The following EPPK1 variants were observed in gnomAD, a reference collection of about 807,000 sequenced individuals.
The protein encoded by EPPK1 is epiplakin 1, also known as epiplakin.
For synonymous variants in EPPK1, 1,862 were observed against 1,721.2 expected, an observed-to-expected ratio of 1.08 and a Z score of -2.03; for missense variants, 3,823 against 3,673.3, an observed-to-expected ratio of 1.04 and a Z score of -1.05.
chr8:143,869,729 C>T lies in EPPK1; in HGVS notation c.3525G>A (p.Leu1175=). ...VQEGRTTVPQ[L]LASVQRWVQE... ...GTACCCACCTCTGCACAGAGGCTAG[C>T]AGCTGTGGCACAGTGGTCCTCCCCT... is the stretch of plus-strand genomic sequence containing the variant. The change falls in exon 2 of 2, where the codon CTG becomes CTA. Residue 1175 remains leucine (L), a synonymous_variant. Transcript: ENST00000615648. The T allele has an allele frequency of 1.3e-6, 2 of 1,599,782 alleles. No homozygotes were observed. The highest frequency in any genetic ancestry group is 1.1e-5 in the South Asian group (1 of 88,698).
Position 143,866,958 on chromosome 8 carries a change from G to T in EPPK1, c.6296C>A (p.Thr2099Lys), listed in dbSNP as rs150650158. 17 of 1,612,588 alleles carry T rather than the reference G, an allele frequency of 1.1e-5. No individual in the cohort carries two copies. The highest frequency in any genetic ancestry group is 5.0e-5 in the Admixed American group (3 of 59,994). ...ARDSEHIDDE[T>K]RRALEAEQVE... ...TTGCTCTGCCTCCAGGGCCCTTCTC[G>T]TCTCGTCATCGATGTGCTCGGAGTC... Residue 2099 changes from threonine to lysine, a missense_variant, in exon 2 of 2, where the codon ACG becomes AAG. By Grantham distance (78) the Thr-to-Lys change is moderately conservative (BLOSUM62 -1). Transcript: ENST00000615648.
In EPPK1 at chr8:143,867,446, G is replaced by A; in HGVS notation, c.5808C>T (p.Ala1936=). ...FATWLLEAQA[A]TGFLLDPCTR... ...TGCAGGGGTCCAGGAGGAACCCGGT[G>A]GCGGCCTGCGCCTCCAGCAGCCAAG... The change falls in exon 2 of 2, where the codon GCC becomes GCT. Residue 1936 remains alanine, a synonymous_variant. Coordinates refer to ENST00000615648, the MANE Select transcript of EPPK1 (RefSeq NM_031308.4). The A allele has an allele frequency of 1.9e-6, 3 of 1,612,694 alleles. No individual in the cohort carries two copies. The highest frequency in any genetic ancestry group is 1.1e-5 in the South Asian group (1 of 91,078).
chr8:143,878,725 CTT>C (rs1239900549), upstream of EPPK1, among the ~76,000 whole-genome samples: 1 of 146,150 alleles, frequency 6.8e-6, no homozygotes. Context: ...TTCAGAACAG[CTT>C]TTTTTTTTTG....
In EPPK1 at chr8:143,872,899, T is replaced by C; in HGVS notation, c.355A>G (p.Thr119Ala). ...KEKLLAAERA[T>A]TGYPDPYGGE... ...CCGTAGGGGTCAGGATAGCCCGTAG[T>C]GGCACGCTCAGCGGCCAGCAGCTTC... is the stretch of plus-strand genomic sequence containing the variant. Residue 119 changes from threonine (T) to alanine (A), a missense_variant, in exon 2 of 2, where the codon ACT becomes GCT. Physicochemically the swap from Thr to Ala is moderately conservative, Grantham distance 58 (BLOSUM62 0). Transcript: ENST00000615648. The C allele has an allele frequency of 6.2e-7, 1 of 1,605,626 alleles. No individual in the cohort carries two copies. Among genetic ancestry groups the C allele is most frequent in the South Asian group, 1.1e-5 (1 of 90,376 alleles).
At chr8:143,877,056 G>A (rs10110152) in intron 1 of EPPK1, among the ~76,000 whole-genome samples, 2,443 of 152,390 alleles carry the variant, frequency 0.016, 56 homozygotes, top group African/African-American at 0.054. Context: ...TGGAGACAGG[G>A]CGCTTGGGAG....
Position 143,870,351 on chromosome 8 carries a change from G to T in EPPK1, c.2903C>A (p.Ala968Glu). The T allele has an allele frequency of 1.3e-6, 2 of 1,558,082 alleles. No individual in the cohort carries two copies. The highest frequency in any genetic ancestry group is 1.7e-6 in the Non-Finnish European group (2 of 1,157,002). The change falls in exon 2 of 2, where the codon GCG (alanine) becomes GAG (glutamate). Residue 968 changes from alanine to glutamate, a missense_variant. Transcript: ENST00000615648. The surrounding 1 kb of genome is among the most constrained non-coding windows in gnomAD (Gnocchi z 5.2). ...RVALALLEAQ[A>E]ATGTIMDPHS... The stretch of plus-strand genomic sequence containing the variant: ...AGGGTCCATGATGGTTCCGGTGGCC[G>T]CCTGGGCCTCCAGCAGGGCCAGGGC...
chr8:143,871,231 G>A lies in EPPK1; in HGVS notation c.2023C>T (p.Pro675Ser), dbSNP rs1819337382. 1 of 1,613,176 alleles carries A rather than the reference G, an allele frequency of 6.2e-7. No homozygotes were observed. Among genetic ancestry groups the A allele is most frequent in the Non-Finnish European group, 8.5e-7 (1 of 1,180,008 alleles). The change falls in exon 2 of 2, where the codon CCT becomes TCT. Residue 675 changes from proline (P) to serine (S), a missense_variant. Coordinates refer to ENST00000615648, the MANE Select transcript of EPPK1 (RefSeq NM_031308.4). ...GACAGCAGCTTCGCGAACACATCAG[G>A]CCCAATGACAGCAGCCCTCAGTGCC... The part of the protein sequence containing the change: ...EEALRAAVIG[P>S]DVFAKLLSAE...
At position 143,870,866 on chromosome 8, in the gene EPPK1, C is replaced by A. The variant is rs782668290; in HGVS notation, c.2388G>T (p.Leu796=). 36 of 1,612,792 alleles carry A rather than the reference C, an allele frequency of 2.2e-5. No individual in the cohort carries two copies. Among genetic ancestry groups the A allele is most frequent in the Non-Finnish European group, 3.0e-5 (35 of 1,179,870 alleles). ...VRDPETGLYL[L]PLSSTQSPLV... is the part of the protein sequence containing the mutation. ...GCGGGGACTGCGTGCTGCTGAGTGGCAGGAGGTACAGGCCCGTCTCGGGGT... is the reference window on the plus strand; with the variant it reads ...GCGGGGACTGCGTGCTGCTGAGTGGAAGGAGGTACAGGCCCGTCTCGGGGT... Residue 796 remains leucine (L), a synonymous_variant, in exon 2 of 2, where the codon CTG becomes CTT. Coordinates refer to ENST00000615648, the MANE Select transcript of EPPK1 (RefSeq NM_031308.4). This position sits in a 1 kb window ranked among gnomAD's most constrained non-coding sequence, Gnocchi z 5.2.
At chr8:143,874,323 C>G (rs782799498) in intron 1 of EPPK1, among the ~76,000 whole-genome samples, 5 of 152,258 alleles carry the variant, frequency 3.3e-5, no homozygotes, top group Admixed American at 6.5e-5. Context: ...AAACGTATGT[C>G]TAAGTCCTAA....
At chr8:143,878,079 G>A (rs1424294380) in intron 1 of EPPK1, among the ~76,000 whole-genome samples, 1 of 152,014 alleles carries the variant, frequency 6.6e-6, no homozygotes, top group Admixed American at 6.5e-5. Context: ...TGCCCCGGGC[G>A]GTCCTCGCTG....
intron 1 of EPPK1, among the ~76,000 whole-genome samples, chr8:143,877,640 G>A (rs782563781): frequency 6.6e-6 from 1 of 152,130 alleles, no homozygotes; most frequent in Admixed American, 6.5e-5. Context: ...GCAGCCGCCT[G>A]CCTGAGTCAG....
rs201572196 is a variant in EPPK1, at chr8:143,870,924, G to A, written c.2330C>T (p.Thr777Met). The A allele has an allele frequency of 4.6e-5, 75 of 1,613,490 alleles. 1 individual carries two copies. In the South Asian group the frequency reaches 6.1e-4, roughly 13 times the overall value. ...ACAGCGCTCCAGAAGCTGCAGGTAC[G>A]TGAGGTTCTCGTGCGTGTTGGGGTC... ...FFDPNTHENL[T>M]YLQLLERCVR... is the part of the protein sequence containing the mutation. Residue 777 changes from threonine (T) to methionine (M), a missense_variant, in exon 2 of 2, where the codon ACG becomes ATG. Thr to Met is a moderately conservative substitution (Grantham distance 81). Transcript: ENST00000615648. This position sits in a 1 kb window ranked among gnomAD's most constrained non-coding sequence, Gnocchi z 5.2.
At chr8:143,878,814 G>A (rs1240441865), upstream of EPPK1, among the ~76,000 whole-genome samples, 1 of 152,094 alleles carries the variant, frequency 6.6e-6, no homozygotes, top group Admixed American at 6.5e-5. Context: ...TGCGGTGCGG[G>A]CTGGTGTCCC....
chr8:143,866,491 G>T lies in EPPK1; in HGVS notation c.6763C>A (p.Arg2255=). ...AGCAGCACCAGGGCCGTGCCGGGCC[G>T]CAGCACGCCCTTCCACATGGCCTGG... ...IYQAMWKGVL[R]PGTALVLLEA... is the part of the protein sequence containing the mutation. Residue 2255 remains arginine (R), a synonymous_variant, in exon 2 of 2, where the codon CGG becomes AGG. Coordinates refer to ENST00000615648, the MANE Select transcript of EPPK1 (RefSeq NM_031308.4). 6.5e-7 allele frequency: 1 copy of T among 1,536,818 alleles called. No homozygotes were observed. Among genetic ancestry groups the T allele is most frequent in the Non-Finnish European group, 8.7e-7 (1 of 1,145,468 alleles).
rs782298190 is a variant in EPPK1, at chr8:143,871,300, A to G, written c.1954T>C (p.Phe652Leu). The G allele has an allele frequency of 6.8e-6, 11 of 1,612,370 alleles. No individual in the cohort carries two copies. The African/African-American group carries it at 1.5e-4, about 22-fold the overall frequency. ...ILLEAQAATG[F>L]IIDPKANKGH... Reference sequence around the variant, plus strand: ...TTGTTTGCTTTTGGGTCGATGATGAAGCCTGTGGCAGCTTGTGCCTCCAGA... The same window carrying G: ...TTGTTTGCTTTTGGGTCGATGATGAGGCCTGTGGCAGCTTGTGCCTCCAGA... Residue 652 changes from phenylalanine (F) to leucine (L), a missense_variant, in exon 2 of 2, where the codon TTC becomes CTC. By Grantham distance (22) the Phe-to-Leu change is conservative. Coordinates refer to ENST00000615648, the MANE Select transcript of EPPK1 (RefSeq NM_031308.4).
rs782604818 is a variant in EPPK1 at position 143,867,756 on chromosome 8, G to A, written c.5498C>T (p.Thr1833Met). The A allele has an allele frequency of 4.5e-5, 72 of 1,613,582 alleles. No homozygotes were observed. The highest frequency in any genetic ancestry group is 5.3e-5 in the Non-Finnish European group (62 of 1,179,880). Residue 1833 changes from threonine (T) to methionine (M), a missense_variant, in exon 2 of 2, where the codon ACG becomes ATG. Physicochemically the swap from Thr to Met is moderately conservative, Grantham distance 81. Transcript: ENST00000615648. ...GLEKLLEIIT[T>M]TIEETETQNQ... ...TTGCGTCTCTGTTTCTTCAATTGTCGTGGTGATGATTTCCAGCAATTTCTC... is the reference window on the plus strand; with the variant it reads ...TTGCGTCTCTGTTTCTTCAATTGTCATGGTGATGATTTCCAGCAATTTCTC...
chr8:143,869,456 C>T lies in EPPK1; in HGVS notation c.3798G>A (p.Val1266=). The T allele has an allele frequency of 6.4e-7, 1 of 1,567,072 alleles. No homozygotes were observed. Among genetic ancestry groups the T allele is most frequent in the Non-Finnish European group, 8.6e-7 (1 of 1,161,036 alleles). The change falls in exon 2 of 2, where the codon GTG becomes GTA. Residue 1266 remains valine, a synonymous_variant. Coordinates refer to ENST00000615648, the MANE Select transcript of EPPK1 (RefSeq NM_031308.4). ...SGAKASIAQA[V]RDGLLPTGLG... ...GGCCTGTGGGCAGGAGGCCATCCCT[C>T]ACGGCCTGGGCGATGCTGGCCTTGG... is the stretch of plus-strand genomic sequence containing the variant.
Position 143,870,219 on chromosome 8 carries a change from C to A in EPPK1, c.3035G>T (p.Arg1012Ile). Reference protein sequence around the residue: ...KRAEGAIAGFRDPFSGKQVSV... With the variant: ...KRAEGAIAGFIDPFSGKQVSV... ...CACCTGCTTCCCAGAGAAGGGGTCTCTGAAGCCAGCAATGGCACCCTCAGC... is the reference window on the plus strand; with the variant it reads ...CACCTGCTTCCCAGAGAAGGGGTCTATGAAGCCAGCAATGGCACCCTCAGC... The change falls in exon 2 of 2, where the codon AGA (arginine) becomes ATA (isoleucine). Residue 1012 changes from arginine to isoleucine, a missense_variant. Arg to Ile is a moderately conservative substitution (Grantham distance 97). Transcript: ENST00000615648. The surrounding 1 kb of genome is among the most constrained non-coding windows in gnomAD (Gnocchi z 5.2). The A allele has an allele frequency of 6.2e-7, 1 of 1,608,190 alleles. No homozygotes were observed.
Position 143,868,581 on chromosome 8 carries a change from G to A in EPPK1, c.4673C>T (p.Ala1558Val), listed in dbSNP as rs782354255. ...SQGTTTVKEV[A>V]EMDSVKRSLE... ...GGACCGCTTCACGCTGTCCATCTCC[G>A]CCACCTCCTTCACAGTCGTTGTCCC... The change falls in exon 2 of 2, where the codon GCG becomes GTG. Residue 1558 changes from alanine (A) to valine (V), a missense_variant. Physicochemically the swap from Ala to Val is moderately conservative, Grantham distance 64. Transcript: ENST00000615648. 22 of 1,603,266 alleles carry A rather than the reference G, an allele frequency of 1.4e-5. No individual in the cohort carries two copies. Among genetic ancestry groups the A allele is most frequent in the Middle Eastern group, 1.6e-4 (1 of 6,070 alleles).
Sources: allele counts gnomAD v4.1 joint callset (sites outside exome capture counted in the v4.1 genomes callset), GRCh38; gene constraint gnomAD v4.1.1; non-coding constraint Gnocchi (gnomAD v3.1); transcripts MANE v1.5; gene names NCBI Gene and HGNC (gene_info 2026-07-23, HGNC 2026-07-21).